ADAM12: variants seen among roughly 807,000 people sequenced by gnomAD.
ADAM12 encodes the protein disintegrin and metalloproteinase domain-containing protein 12.
A neutral mutation model predicts 106.4 loss-of-function variants in ADAM12; 70 were observed. The ratio of observed to expected loss-of-function variants is 0.66; its 90% CI spans 0.54 to 0.80. The LOEUF (loss-of-function observed/expected upper bound fraction) is 0.80, where lower values mean the gene tolerates loss of function less well. Ranked by LOEUF, ADAM12 falls within the 30% of genes least tolerant of loss-of-function variation. The probability of loss-of-function intolerance (pLI) is 0.00; values close to 1 mark genes in which losing one functional copy is unlikely to be tolerated. For synonymous variants in ADAM12, 420 were observed against 433.5 expected (o/e 0.97, Z 0.39); for missense variants, 1,010 against 1,171.9 (o/e 0.86, Z 2.02).
In ADAM12 at chr10:126,283,919, T is replaced by C. The variant is rs4962335; in HGVS notation, c.187-4931A>G. Among the ~76,000 whole-genome samples, 1,345 of 152,350 alleles carry C rather than the reference T, an allele frequency of 8.8e-3. 28 individuals carry two copies. The East Asian group carries it at 0.11, about 13-fold the overall frequency. On this transcript the variant is annotated intron_variant, in intron 2 of 22. Transcript: ENST00000448723. ...GTTATCTTCTAAATGTTTCATAATT[T>C]TGCCTTTCACATTTAAGTCCCATCC...
intron 1 of ADAM12, among the ~76,000 whole-genome samples, chr10:126,342,996 C>T (rs1272568512): frequency 1.3e-5 from 2 of 152,152 alleles, no homozygotes; most frequent in Non-Finnish European, 2.9e-5. Context: ...CATTCAGCAA[C>T]GACCAGGCAC....
At chr10:126,358,431 GAC>G (rs1202421311) in intron 1 of ADAM12, among the ~76,000 whole-genome samples, 1 of 152,168 alleles carries the variant, frequency 6.6e-6, no homozygotes, top group African/African-American at 2.4e-5. Context: ...GAAAGCATTT[GAC>G]AGAATTCAAT....
rs761577229 is a variant in ADAM12 at position 126,071,587 on chromosome 10, T to G, written c.1213A>C (p.Met405Leu). 9.9e-6 allele frequency: 16 copies of G among 1,614,118 alleles called. No individual in the cohort carries two copies. Among genetic ancestry groups the G allele is most frequent in the Non-Finnish European group, 1.3e-5 (15 of 1,180,008 alleles). The change falls in exon 12 of 23, where the codon ATG becomes CTG. Residue 405 changes from methionine (M) to leucine (L), a missense_variant. By Grantham distance (15) the Met-to-Leu change is conservative. Coordinates refer to ENST00000448723, the MANE Select transcript of ADAM12 (RefSeq NM_001288973.2). The part of the protein sequence containing the change: ...KDLETSLEKG[M>L]GVCLFNLPEV... Reference sequence around the variant, plus strand: ...GGCAGGTTAAACAGGCACACCCCCATTCCTTTCTCCAGGCTGGTCTCCAAG... The same window carrying G: ...GGCAGGTTAAACAGGCACACCCCCAGTCCTTTCTCCAGGCTGGTCTCCAAG...
chr10:126,269,817 A>G (rs1260176781), intron 3 of ADAM12, among the ~76,000 whole-genome samples: 2 of 152,216 alleles, frequency 1.3e-5, no homozygotes, highest in Non-Finnish European at 2.9e-5. Context: ...TTCCAGCTTC[A>G]AAGAGTTCAC....
At chr10:126,137,438 G>C (rs1956425680) in intron 4 of ADAM12, among the ~76,000 whole-genome samples, 1 of 152,110 alleles carries the variant, frequency 6.6e-6, no homozygotes, top group African/African-American at 2.4e-5. Flanking sequence ...TAATCAGTGG[G>C]TTTTGTTGTA....
chr10:126,202,229 T>C (rs1477108540), intron 3 of ADAM12, among the ~76,000 whole-genome samples: 1 of 152,256 alleles, frequency 6.6e-6, no homozygotes, highest in Non-Finnish European at 1.5e-5. Context: ...GGAAAACTTT[T>C]GCTTTATTTC....
At chr10:126,368,183 G>A (rs1380316990) in intron 1 of ADAM12, among the ~76,000 whole-genome samples, 1 of 151,544 alleles carries the variant, frequency 6.6e-6, no homozygotes, top group Admixed American at 6.6e-5. Flanking sequence ...CAAATGAATG[G>A]GCATACTAAT....
chr10:126,067,353 G>A (rs373874295), intron 12 of ADAM12, among the ~76,000 whole-genome samples: 1 of 152,340 alleles, frequency 6.6e-6, no homozygotes, highest in East Asian at 1.9e-4. Context: ...TAAGTTGTCT[G>A]GCCTGACAAT....
chr10:126,373,061 T>A (rs563637627), intron 1 of ADAM12, among the ~76,000 whole-genome samples: 44 of 152,312 alleles, frequency 2.9e-4, no homozygotes, highest in African/African-American at 9.6e-4. Flanking sequence ...TGTAGATAAA[T>A]TAGTGGAGAA....
chr10:126,284,835 T>C (rs1959770878), intron 2 of ADAM12, among the ~76,000 whole-genome samples: 1 of 152,242 alleles, frequency 6.6e-6, no homozygotes, highest in Non-Finnish European at 1.5e-5. Flanking sequence ...TTGTTTTATT[T>C]GTTCACTTTG....
intron 3 of ADAM12, among the ~76,000 whole-genome samples, chr10:126,204,833 G>A (rs138821559): frequency 2.0e-5 from 3 of 152,244 alleles, no homozygotes; most frequent in African/African-American, 4.8e-5. Flanking sequence ...AATATTACAG[G>A]CTTTCCAGGC....
At chr10:126,291,883 C>T (rs1960166272) in intron 2 of ADAM12, among the ~76,000 whole-genome samples, 1 of 152,104 alleles carries the variant, frequency 6.6e-6, no homozygotes, top group Non-Finnish European at 1.5e-5. Context: ...GGCTTTGCAA[C>T]CTTTATGGGT....
intron 6 of ADAM12, 105 bp downstream of exon 6, chr10:126,117,933 G>T: frequency 1.5e-6 from 2 of 1,313,172 alleles, no homozygotes; most frequent in Non-Finnish European, 2.1e-6. Flanking sequence ...TCCCCCAGAT[G>T]CCGCATCATC....
At chr10:126,045,330 T>C (rs936664382) in intron 17 of ADAM12, among the ~76,000 whole-genome samples, 3 of 152,194 alleles carry the variant, frequency 2.0e-5, no homozygotes, top group African/African-American at 7.2e-5. Flanking sequence ...CTGTGATCCT[T>C]TATGGTTCCA....
At chr10:126,376,413 T>A (rs538025269) in intron 1 of ADAM12, among the ~76,000 whole-genome samples, 1 of 152,312 alleles carries the variant, frequency 6.6e-6, no homozygotes, top group Admixed American at 6.5e-5. Context: ...TTGTTGAAAC[T>A]GAGTGATAGA....
chr10:126,125,249 C>CTTTTTT (rs35917087), intron 5 of ADAM12, among the ~76,000 whole-genome samples: 9 of 134,236 alleles, frequency 6.7e-5, no homozygotes, highest in Non-Finnish European at 1.2e-4. Flanking sequence ...CTTTTCTTTT[C>CTTTTTT]TTTTTTTTTT....
At chr10:126,179,069 A>G (rs920222595) in intron 3 of ADAM12, among the ~76,000 whole-genome samples, 5 of 152,074 alleles carry the variant, frequency 3.3e-5, no homozygotes, top group Admixed American at 1.3e-4. Flanking sequence ...GAAAAAAAAA[A>G]GAAGAAAAAG....
intron 14 of ADAM12, among the ~76,000 whole-genome samples, chr10:126,058,672 C>T (rs185114304): frequency 1.3e-3 from 191 of 152,298 alleles, no homozygotes; most frequent in Non-Finnish European, 2.1e-3. Flanking sequence ...ACTCTCTGCG[C>T]GCCCTGCCTG....
At chr10:126,075,559 A>G (rs1009808750) in intron 11 of ADAM12, among the ~76,000 whole-genome samples, 9 of 152,186 alleles carry the variant, frequency 5.9e-5, no homozygotes, top group Non-Finnish European at 1.0e-4. Flanking sequence ...GAAAAAAATA[A>G]AAGAGCAAGG....
Sources: allele counts gnomAD v4.1 joint callset (sites outside exome capture counted in the v4.1 genomes callset), GRCh38; gene constraint gnomAD v4.1.1; transcripts MANE v1.5; gene names NCBI Gene and HGNC (gene_info 2026-07-23, HGNC 2026-07-21).